The following TMEM132C variants were observed in gnomAD, a reference collection of about 807,000 sequenced individuals.
The protein encoded by TMEM132C is protein phosphatase 1, regulatory subunit 152.
TMEM132C carries 29 observed loss-of-function variants against 61.4 expected under a neutral mutation model. The ratio of observed to expected loss-of-function variants is 0.47; its 90% CI spans 0.35 to 0.64. TMEM132C has a LOEUF of 0.64. TMEM132C is among the 30% of genes least tolerant of loss of function. The pLI, the probability that TMEM132C is intolerant of heterozygous loss-of-function variation, is 0.00. For missense variants in TMEM132C, 1,408 were observed against 1,476.9 expected (o/e 0.95, Z 0.76); for synonymous variants, 656 against 633.1 (o/e 1.04, Z -0.54).
At chr12:128,287,475 C>A (rs563942311) in intron 1 of TMEM132C, among the ~76,000 whole-genome samples, 1 of 148,622 alleles carries the variant, frequency 6.7e-6, no homozygotes, top group East Asian at 2.1e-4. Flanking sequence ...CTCTCTCCCC[C>A]TCTGTCTGCA....
At chr12:128,632,864 A>C (rs907582446) in intron 4 of TMEM132C, among the ~76,000 whole-genome samples, 3 of 152,226 alleles carry the variant, frequency 2.0e-5, no homozygotes, top group African/African-American at 7.2e-5. Flanking sequence ...TGTGGTATGG[A>C]AACTCTTGGA....
chr12:128,656,840 A>C (rs1323840410), intron 4 of TMEM132C, among the ~76,000 whole-genome samples: 1 of 152,210 alleles, frequency 6.6e-6, no homozygotes, highest in Non-Finnish European at 1.5e-5. Context: ...GAAGAAAAAA[A>C]GAGAGTGGAT....
At chr12:128,463,712 G>A (rs989633052) in intron 2 of TMEM132C, among the ~76,000 whole-genome samples, 4 of 152,102 alleles carry the variant, frequency 2.6e-5, no homozygotes, top group African/African-American at 9.7e-5. Context: ...GGTGTGCCAT[G>A]AGATACACAC....
intron 8 of TMEM132C, 69 bp downstream of exon 8, chr12:128,697,484 C>A: frequency 7.0e-7 from 1 of 1,421,450 alleles, no homozygotes. Context: ...AGCAAAGGGG[C>A]AGGGTGGAGT....
intron 2 of TMEM132C, among the ~76,000 whole-genome samples, chr12:128,500,266 A>T (rs1872115791): frequency 6.6e-6 from 1 of 152,220 alleles, no homozygotes; most frequent in East Asian, 1.9e-4. Context: ...ATGGGTGTGT[A>T]AATTTTTATT....
intron 4 of TMEM132C, among the ~76,000 whole-genome samples, chr12:128,626,438 C>CATTTTTATTTTT (rs71069585): frequency 1.8e-5 from 2 of 113,770 alleles, no homozygotes; most frequent in East Asian, 2.0e-4. Flanking sequence ...CTGTGCTGAA[C>CATTTTTATTTTT]ATTTTTATTT....
chr12:128,655,347 C>A (rs1954315344), intron 4 of TMEM132C, among the ~76,000 whole-genome samples: 1 of 152,142 alleles, frequency 6.6e-6, no homozygotes, highest in Admixed American at 6.5e-5. Flanking sequence ...CCCTGCAATG[C>A]CTCTGTGTTT....
intron 3 of TMEM132C, among the ~76,000 whole-genome samples, chr12:128,601,023 G>A (rs930980576): frequency 4.6e-5 from 7 of 152,138 alleles, no homozygotes; most frequent in African/African-American, 1.7e-4. Flanking sequence ...GTAGCGCTCA[G>A]CAGGCATAAA....
intron 2 of TMEM132C, among the ~76,000 whole-genome samples, chr12:128,447,704 G>GTTTT: frequency 1.1e-5 from 1 of 90,948 alleles, no homozygotes; most frequent in African/African-American, 6.3e-5. Flanking sequence ...TATTTCAAGT[G>GTTTT]CTTTTTTTTT....
In TMEM132C at chr12:128,555,128, C is replaced by T. The variant is rs184318724; in HGVS notation, c.1121+11025C>T. On this transcript the variant is annotated intron_variant, in intron 3 of 8. Transcript: ENST00000435159. ...AAAGTAAATCAGGCAGGTAATAAAA[C>T]GAGAAGGCTCTTTCCAAAAAAACAA... 2.7e-4 allele frequency among the ~76,000 whole-genome samples: 41 copies of T among 152,254 alleles called. No individual in the cohort carries two copies. In the East Asian group the frequency reaches 3.9e-3, roughly 14 times the overall value.
rs550004811 is a variant in TMEM132C, at chr12:128,299,649, G to A, written c.85+32162G>A. ...TGAAAACAATTCCAGATTGTTTTTC[G>A]TATAGAGAGAACTTTGGTAGAAGGT... is the stretch of plus-strand genomic sequence containing the variant. On this transcript the variant is annotated intron_variant, in intron 1 of 8. Coordinates refer to ENST00000435159, the MANE Select transcript of TMEM132C (RefSeq NM_001136103.3). 1.5e-4 allele frequency among the ~76,000 whole-genome samples: 23 copies of A among 152,334 alleles called. No homozygotes were observed. In the South Asian group the frequency reaches 3.7e-3, roughly 25 times the overall value.
chr12:128,422,778 C>T (rs1869033288), intron 2 of TMEM132C, among the ~76,000 whole-genome samples: 1 of 152,196 alleles, frequency 6.6e-6, no homozygotes, highest in African/African-American at 2.4e-5. Flanking sequence ...CTGGACTCTA[C>T]TCAGTAGAAA....
intron 1 of TMEM132C, among the ~76,000 whole-genome samples, chr12:128,282,534 C>T (rs1253765411): frequency 6.6e-6 from 1 of 152,184 alleles, no homozygotes; most frequent in Non-Finnish European, 1.5e-5. Flanking sequence ...ATGGAGAAAG[C>T]CACTACCCCC....
intron 2 of TMEM132C, among the ~76,000 whole-genome samples, chr12:128,477,243 G>A (rs1164323490): frequency 6.6e-6 from 1 of 152,118 alleles, no homozygotes; most frequent in Non-Finnish European, 1.5e-5. Context: ...ACGTCAGTTG[G>A]GTAGATGCAC....
intron 3 of TMEM132C, among the ~76,000 whole-genome samples, chr12:128,558,506 G>A (rs1238543416): frequency 6.6e-6 from 1 of 152,222 alleles, no homozygotes; most frequent in Non-Finnish European, 1.5e-5. Context: ...CCATGATCAT[G>A]AGGCCTCCCC....
chr12:128,690,614 T>A (rs1954712749), intron 5 of TMEM132C, among the ~76,000 whole-genome samples: 1 of 152,218 alleles, frequency 6.6e-6, no homozygotes, highest in South Asian at 2.1e-4. Flanking sequence ...TGATTACTGA[T>A]ATAACTCTTG....
chr12:128,298,723 G>A (rs565894573), intron 1 of TMEM132C, among the ~76,000 whole-genome samples: 8 of 152,218 alleles, frequency 5.3e-5, no homozygotes, highest in Non-Finnish European at 1.2e-4. Context: ...TGCAGATGAG[G>A]CTGGAGTTGT....
At chr12:128,637,091 A>G (rs1021905618) in intron 4 of TMEM132C, among the ~76,000 whole-genome samples, 5 of 152,220 alleles carry the variant, frequency 3.3e-5, no homozygotes, top group Non-Finnish European at 7.3e-5. Flanking sequence ...ACTCTTCTAC[A>G]TACTGATTTG....
chr12:128,692,049 C>T (rs1295570151), intron 5 of TMEM132C, among the ~76,000 whole-genome samples: 1 of 149,142 alleles, frequency 6.7e-6, no homozygotes, highest in African/African-American at 2.6e-5. Context: ...GCTGTCTACC[C>T]ATTTGTCCAC....
Sources: allele counts gnomAD v4.1 joint callset (sites outside exome capture counted in the v4.1 genomes callset), GRCh38; gene constraint gnomAD v4.1.1; transcripts MANE v1.5; gene names NCBI Gene and HGNC (gene_info 2026-07-23, HGNC 2026-07-21).